MTUS2: variants seen among roughly 807,000 people sequenced by gnomAD.
MTUS2 encodes the protein microtubule associated scaffold protein 2.
A neutral mutation model predicts 114.1 loss-of-function variants in MTUS2; 40 were observed. The ratio of observed to expected loss-of-function variants is 0.35; its 90% CI spans 0.27 to 0.46. MTUS2 has a LOEUF of 0.46. MTUS2 is among the 20% of genes least tolerant of loss of function. The pLI is 1.00. For missense variants in MTUS2, 1,679 were observed against 1,705.4 expected, an observed-to-expected ratio of 0.98 and a Z score of 0.27; for synonymous variants, 688 against 672.0, an observed-to-expected ratio of 1.02 and a Z score of -0.37.
chr13:29,022,046 C>G (rs1457659719), intron 2 of MTUS2, among the ~76,000 whole-genome samples: 1 of 152,140 alleles, frequency 6.6e-6, no homozygotes, highest in Non-Finnish European at 1.5e-5. Context: ...TACGGAAATG[C>G]AAGCGCACAT....
intron 5 of MTUS2, among the ~76,000 whole-genome samples, chr13:29,126,333 A>G (rs1180667353): frequency 2.0e-5 from 3 of 152,106 alleles, no homozygotes; most frequent in Non-Finnish European, 2.9e-5. Context: ...TCTCTGTGCT[A>G]ACCTACAGCC....
At chr13:29,110,749 C>T (rs977379391) in intron 5 of MTUS2, among the ~76,000 whole-genome samples, 5 of 152,056 alleles carry the variant, frequency 3.3e-5, no homozygotes, top group African/African-American at 1.2e-4. Context: ...CTAGTTTATC[C>T]ACCTTAACTC....
chr13:29,135,575 G>A (rs573506159), intron 5 of MTUS2, among the ~76,000 whole-genome samples: 1 of 151,792 alleles, frequency 6.6e-6, no homozygotes, highest in South Asian at 2.1e-4. Flanking sequence ...TTTGTTATTT[G>A]TTTTCTATAT....
At chr13:29,122,386 G>A (rs1171748609) in intron 5 of MTUS2, among the ~76,000 whole-genome samples, 2 of 152,140 alleles carry the variant, frequency 1.3e-5, no homozygotes, top group East Asian at 3.9e-4. Context: ...CAATTATAGC[G>A]GAAGGGGAAG....
At chr13:28,825,248 G>A (rs73452650) in intron 1 of MTUS2, among the ~76,000 whole-genome samples, 1,977 of 152,248 alleles carry the variant, frequency 0.013, 44 homozygotes, top group African/African-American at 0.045. Flanking sequence ...GAGAGTGTAT[G>A]TTTTCAATGA....
Position 29,274,644 on chromosome 13 carries a change from C to T in MTUS2, c.2645-7060C>T, listed in dbSNP as rs535280030. On this transcript the variant is annotated intron_variant, in intron 5 of 15. Coordinates refer to ENST00000612955, the MANE Select transcript of MTUS2 (RefSeq NM_001033602.4). Reference sequence around the variant, plus strand: ...AACACCTTTTCATGTACTTATTTCCCATTTGTATATCTTGTTTGGAGAAAT... The same window carrying T: ...AACACCTTTTCATGTACTTATTTCCTATTTGTATATCTTGTTTGGAGAAAT... Among the ~76,000 whole-genome samples, 8 of 152,194 alleles carry T rather than the reference C, an allele frequency of 5.3e-5. No homozygotes were observed. The East Asian group carries it at 1.5e-3, about 29-fold the overall frequency.
intron 5 of MTUS2, among the ~76,000 whole-genome samples, chr13:29,153,704 T>A (rs566992894): frequency 1.6e-4 from 25 of 152,162 alleles, no homozygotes; most frequent in African/African-American, 5.5e-4. Flanking sequence ...TCCCCAGACC[T>A]CCTCAATTCT....
intron 2 of MTUS2, among the ~76,000 whole-genome samples, chr13:28,985,432 G>T (rs774285179): frequency 4.6e-5 from 7 of 152,068 alleles, no homozygotes; most frequent in Non-Finnish European, 7.4e-5. Flanking sequence ...TGATAATTTG[G>T]TATATTGTTA....
intron 8 of MTUS2, among the ~76,000 whole-genome samples, chr13:29,379,519 C>T (rs1241427608): frequency 6.6e-6 from 1 of 152,208 alleles, no homozygotes; most frequent in South Asian, 2.1e-4. Flanking sequence ...TGGCTGTGCA[C>T]TGTGGCCGTG....
chr13:29,020,135 T>G (rs1886233149), intron 2 of MTUS2, among the ~76,000 whole-genome samples: 1 of 152,184 alleles, frequency 6.6e-6, no homozygotes, highest in Non-Finnish European at 1.5e-5. Context: ...TAAGCCTAGA[T>G]CTTTACATTC....
chr13:29,466,085 G>A (rs1879864452), intron 9 of MTUS2, among the ~76,000 whole-genome samples: 2 of 152,206 alleles, frequency 1.3e-5, no homozygotes, highest in African/African-American at 4.8e-5. Flanking sequence ...AAGGGGTGTG[G>A]CTTTCCAATG....
chr13:29,186,777 G>A (rs577288627), intron 5 of MTUS2, among the ~76,000 whole-genome samples: 29 of 152,258 alleles, frequency 1.9e-4, no homozygotes, highest in African/African-American at 5.8e-4. Flanking sequence ...AGACTTAATA[G>A]ACATATATAG....
intron 7 of MTUS2, among the ~76,000 whole-genome samples, chr13:29,335,932 A>G (rs1207670867): frequency 6.6e-6 from 1 of 152,104 alleles, no homozygotes; most frequent in African/African-American, 2.4e-5. Flanking sequence ...TACTTCATTA[A>G]GTTGATCTTC....
At chr13:29,051,190 A>G (rs1199670704) in intron 4 of MTUS2, among the ~76,000 whole-genome samples, 1 of 152,148 alleles carries the variant, frequency 6.6e-6, no homozygotes, top group Non-Finnish European at 1.5e-5. Context: ...GGAAGGAGAA[A>G]GGGGTGAAAT....
chr13:29,186,087 G>A (rs1005276399), intron 5 of MTUS2, among the ~76,000 whole-genome samples: 5 of 152,098 alleles, frequency 3.3e-5, no homozygotes, highest in Non-Finnish European at 2.9e-5. Context: ...GGTGGCACAT[G>A]CATGTAGTCC....
chr13:29,100,473 C>A (rs1347737801), intron 4 of MTUS2, among the ~76,000 whole-genome samples: 2 of 152,144 alleles, frequency 1.3e-5, no homozygotes, highest in Admixed American at 6.5e-5. Context: ...GCACTTGATA[C>A]CTTTTCTTAT....
chr13:28,965,479 T>C (rs1883537423), intron 2 of MTUS2, among the ~76,000 whole-genome samples: 1 of 152,186 alleles, frequency 6.6e-6, no homozygotes, highest in Non-Finnish European at 1.5e-5. Context: ...CTCTTTGTAT[T>C]GAATGTTAAG....
chr13:29,316,741 CT>C (rs888241043), intron 6 of MTUS2, among the ~76,000 whole-genome samples: 66 of 152,296 alleles, frequency 4.3e-4, no homozygotes, highest in African/African-American at 1.4e-3. Flanking sequence ...AACTCCGTAC[CT>C]TCAGTTCCTT....
chr13:29,030,802 G>T (rs1053011049), intron 3 of MTUS2, among the ~76,000 whole-genome samples: 1 of 151,958 alleles, frequency 6.6e-6, no homozygotes, highest in Admixed American at 6.6e-5. Flanking sequence ...CATCCTTATC[G>T]ACAGATCCCT....
Sources: allele counts gnomAD v4.1 joint callset (sites outside exome capture counted in the v4.1 genomes callset), GRCh38; gene constraint gnomAD v4.1.1; transcripts MANE v1.5; gene names NCBI Gene and HGNC (gene_info 2026-07-23, HGNC 2026-07-21).